Variants in MOXD1 observed in about 807,000 individuals in gnomAD.
MOXD1 encodes the protein monooxygenase DBH like 1.
In MOXD1, 62 loss-of-function variants were observed where a neutral mutation model predicts 66.6. The ratio of observed to expected loss-of-function variants is 0.93; its 90% CI spans 0.76 to 1.15. The LOEUF (loss-of-function observed/expected upper bound fraction) is 1.15, where lower values mean the gene tolerates loss of function less well. Ranked by LOEUF, MOXD1 falls within the 50% of genes most tolerant of loss-of-function variation. MOXD1 has a pLI of 0.00. For missense variants in MOXD1, 847 were observed against 754.6 expected, an observed-to-expected ratio of 1.12 and a Z score of -1.44; for synonymous variants, 303 against 281.9, an observed-to-expected ratio of 1.07 and a Z score of -0.75.
rs920521750 is a variant in MOXD1, at chr6:132,392,023, A to T, written c.264+9140T>A. On this transcript the variant is annotated intron_variant, in intron 1 of 11. Coordinates refer to ENST00000367963, the MANE Select transcript of MOXD1 (RefSeq NM_015529.4). The stretch of plus-strand genomic sequence containing the variant: ...GGGCATAATCTGAAGACTTATAAAT[A>T]TCTCTTAACAAAGCACCAGCTGAGC... 3.9e-5 allele frequency: 26 copies of T among 664,858 alleles called. No homozygotes were observed. The African/African-American group carries it at 4.3e-4, about 11-fold the overall frequency. The allele number at this position is 664,858 out of a possible 1,614,324, so 41.2% of individuals were successfully genotyped here. A position where few individuals can be genotyped will look rare whatever the true frequency, so the allele number is the denominator to read the frequency against.
chr6:132,305,566 C>A (rs145266070), intron 10 of MOXD1, among the ~76,000 whole-genome samples: 1 of 152,182 alleles, frequency 6.6e-6, no homozygotes, highest in African/African-American at 2.4e-5. Context: ...ATGGGTGAGA[C>A]CCTTCAATAG....
In MOXD1 at chr6:132,297,333, C is replaced by T; in HGVS notation, c.1678-16G>A. ...TTCCTTGAATCTGAAAATGGAAGCA[C>T]AAACAATGCAAATGAACATCTGATT... is the stretch of plus-strand genomic sequence containing the variant. On this transcript the variant is annotated splice_polypyrimidine_tract_variant and intron_variant, in intron 11 of 11. Transcript: ENST00000367963. 1.9e-6 allele frequency: 3 copies of T among 1,610,206 alleles called. No individual in the cohort carries two copies. The highest frequency in any genetic ancestry group is 2.5e-6 in the Non-Finnish European group (3 of 1,177,856).
At position 132,359,095 on chromosome 6, in the gene MOXD1, C is replaced by T. The variant is rs557769467; in HGVS notation, c.663+13513G>A. ...TCCACAAGAACTGAAAGGCCATCGT[C>T]CTCTTAGGAACTGCCTGCAGCTTTC... is the stretch of plus-strand genomic sequence containing the variant. On this transcript the variant is annotated intron_variant, in intron 4 of 11. Transcript: ENST00000367963. 8.6e-5 allele frequency among the ~76,000 whole-genome samples: 13 copies of T among 152,038 alleles called. No individual in the cohort carries two copies. In the East Asian group the frequency reaches 2.5e-3, roughly 29 times the overall value.
At chr6:132,303,183 A>G (rs1242326785) in intron 10 of MOXD1, among the ~76,000 whole-genome samples, 1 of 152,140 alleles carries the variant, frequency 6.6e-6, no homozygotes, top group Admixed American at 6.6e-5. Flanking sequence ...ATGATGAAAC[A>G]AACTTCAATA....
chr6:132,297,530 C>T (rs1158163431), intron 11 of MOXD1, among the ~76,000 whole-genome samples: 1 of 152,066 alleles, frequency 6.6e-6, no homozygotes, highest in East Asian at 1.9e-4. Flanking sequence ...AAAGCAGGCT[C>T]TATTGCTTTT....
intron 10 of MOXD1, among the ~76,000 whole-genome samples, chr6:132,311,009 G>C (rs978629007): frequency 1.3e-5 from 2 of 152,140 alleles, no homozygotes; most frequent in Non-Finnish European, 2.9e-5. Flanking sequence ...AAAACACTTT[G>C]TGTTCCAGGA....
intron 4 of MOXD1, among the ~76,000 whole-genome samples, chr6:132,354,099 C>T (rs546630121): frequency 8.5e-5 from 13 of 152,162 alleles, no homozygotes; most frequent in Non-Finnish European, 1.5e-4. Context: ...TCTTGCCTTT[C>T]GCTGGTGTCT....
intron 8 of MOXD1, among the ~76,000 whole-genome samples, chr6:132,321,320 A>G (rs984740496): frequency 6.6e-6 from 1 of 152,152 alleles, no homozygotes; most frequent in South Asian, 2.1e-4. Context: ...AAATGACATA[A>G]CACATAGGCA....
chr6:132,360,218 G>C lies in MOXD1; in HGVS notation c.663+12390C>G, dbSNP rs538440918. Among the ~76,000 whole-genome samples, 3 of 152,292 alleles carry C rather than the reference G, an allele frequency of 2.0e-5. No individual in the cohort carries two copies. In the South Asian group the frequency reaches 6.2e-4, roughly 32 times the overall value. ...TCTGTAGACCTAACAGTCACGTTTGGAGGCTAAACCAGCAAAAGTGTTTAT... is the reference window on the plus strand; with the variant it reads ...TCTGTAGACCTAACAGTCACGTTTGCAGGCTAAACCAGCAAAAGTGTTTAT... On this transcript the variant is annotated intron_variant, in intron 4 of 11. Transcript: ENST00000367963.
intron 4 of MOXD1, among the ~76,000 whole-genome samples, chr6:132,344,525 A>T (rs927325130): frequency 6.6e-6 from 1 of 152,196 alleles, no homozygotes; most frequent in African/African-American, 2.4e-5. Context: ...AAAGCCTGAA[A>T]ACCAAGCCAC....
At position 132,372,677 on chromosome 6, in the gene MOXD1, G is replaced by A. The variant is rs763417235; in HGVS notation, c.594C>T (p.Asn198=). 1 of 1,613,644 alleles carries A rather than the reference G, an allele frequency of 6.2e-7. No homozygotes were observed. The highest frequency in any genetic ancestry group is 2.2e-5 in the East Asian group (1 of 44,850). The change falls in exon 4 of 12, where the codon AAC becomes AAT. Residue 198 remains asparagine (N), a synonymous_variant. Transcript: ENST00000367963. ...DLVNQDVPIP[N]KDTTYWCQMF... ...TTTGGCACCAATATGTTGTATCTTT[G>A]TTTGGGATGGGGACCTGTCTTAATA... is the stretch of plus-strand genomic sequence containing the variant.
chr6:132,373,089 T>C (rs757945098), intron 2 of MOXD1, 92 bp from the exon 3 acceptor site: 4 of 1,233,176 alleles, frequency 3.2e-6, no homozygotes, highest in Admixed American at 2.4e-5. Flanking sequence ...AAACAAGATA[T>C]AGAAGTGAAG....
At chr6:132,372,074 A>G (rs2114660856) in intron 4 of MOXD1, among the ~76,000 whole-genome samples, 1 of 152,332 alleles carries the variant, frequency 6.6e-6, no homozygotes. Context: ...AAGGGTGGAA[A>G]ATAATTGTAT....
intron 4 of MOXD1, among the ~76,000 whole-genome samples, chr6:132,371,187 C>CAT (rs2114659631): frequency 1.3e-5 from 2 of 152,194 alleles, no homozygotes; most frequent in South Asian, 4.1e-4. Flanking sequence ...ACATACAGTA[C>CAT]ATATAAATGA....
intron 10 of MOXD1, among the ~76,000 whole-genome samples, chr6:132,309,637 T>A (rs1467784179): frequency 6.6e-6 from 1 of 152,102 alleles, no homozygotes; most frequent in Non-Finnish European, 1.5e-5. Context: ...AAGGCTACAG[T>A]AACTAAAACA....
chr6:132,372,459 T>C, intron 4 of MOXD1, 149 bp downstream of exon 4: 1 of 677,400 alleles, frequency 1.5e-6, no homozygotes, highest in Non-Finnish European at 2.4e-6. Flanking sequence ...TGAAAAAGTA[T>C]GCAGGTCAGC....
At position 132,328,476 on chromosome 6, in the gene MOXD1, T is replaced by C. The variant is rs1338374494; in HGVS notation, c.782A>G (p.Asn261Ser). The change falls in exon 5 of 12, where the codon AAC becomes AGC. Residue 261 changes from asparagine to serine, a missense_variant. Physicochemically the swap from Asn to Ser is conservative, Grantham distance 46. Coordinates refer to ENST00000367963, the MANE Select transcript of MOXD1 (RefSeq NM_015529.4). Reference sequence around the variant, plus strand: ...ACAGGTGAGGAATGCATCGGGCATGTTGGGGTGATAGCACTCGTGGCCGGA... The same window carrying C: ...ACAGGTGAGGAATGCATCGGGCATGCTGGGGTGATAGCACTCGTGGCCGGA... Reference protein sequence around the residue: ...LESGHECYHPNMPDAFLTCET... With the variant: ...LESGHECYHPSMPDAFLTCET... 1 of 1,614,128 alleles carries C rather than the reference T, an allele frequency of 6.2e-7. No individual in the cohort carries two copies. The highest frequency in any genetic ancestry group is 8.5e-7 in the Non-Finnish European group (1 of 1,180,016).
At chr6:132,393,832 G>C (rs1275315122) in intron 1 of MOXD1, among the ~76,000 whole-genome samples, 1 of 152,106 alleles carries the variant, frequency 6.6e-6, no homozygotes, top group African/African-American at 2.4e-5. Context: ...CACTGGAAGT[G>C]ACCTTGCCAC....
intron 1 of MOXD1, 148 bp downstream of exon 1, chr6:132,401,015 G>C: frequency 9.4e-7 from 1 of 1,069,292 alleles, no homozygotes. Context: ...GCTGCCCGCG[G>C]AGGCGAGAGT....
Sources: allele counts gnomAD v4.1 joint callset (sites outside exome capture counted in the v4.1 genomes callset), GRCh38; gene constraint gnomAD v4.1.1; transcripts MANE v1.5; gene names NCBI Gene and HGNC (gene_info 2026-07-23, HGNC 2026-07-21).